Variants in NSUN3 observed in about 807,000 individuals in gnomAD.
NSUN3 encodes the protein tRNA (cytosine(34)-C(5))-methyltransferase, mitochondrial.
In NSUN3, 24 loss-of-function variants were observed where a neutral mutation model predicts 36.8. The ratio of observed to expected loss-of-function variants is 0.65; its 90% CI spans 0.47 to 0.92. NSUN3 has a LOEUF of 0.92. Ranked by LOEUF, NSUN3 falls within the 40% of genes least tolerant of loss-of-function variation. The pLI is 0.00. For synonymous variants in NSUN3, 146 were observed against 145.2 expected, an observed-to-expected ratio of 1.01 and a Z score of -0.04; for missense variants, 381 against 392.8, an observed-to-expected ratio of 0.97 and a Z score of 0.25.
intron 2 of NSUN3, among the ~76,000 whole-genome samples, chr3:94,074,438 A>T (rs1244903473): frequency 6.6e-6 from 1 of 152,362 alleles, no homozygotes; most frequent in African/African-American, 2.4e-5. Context: ...ATCCATGAGC[A>T]TGGAAGTATT....
chr3:94,102,202 T>TAAAAA (rs5850923), intron 5 of NSUN3, among the ~76,000 whole-genome samples: 13 of 101,544 alleles, frequency 1.3e-4, no homozygotes, highest in African/African-American at 4.2e-4. Flanking sequence ...AAAGAAACGT[T>TAAAAA]AAAAAAAAAA....
At chr3:94,113,058 G>T (rs974200534) in intron 5 of NSUN3, among the ~76,000 whole-genome samples, 1 of 152,066 alleles carries the variant, frequency 6.6e-6, no homozygotes, top group Admixed American at 6.5e-5. Flanking sequence ...TAGAGACAGG[G>T]TTTCACTGTG....
At chr3:94,095,624 T>G (rs1195429455) in intron 5 of NSUN3, among the ~76,000 whole-genome samples, 1 of 152,202 alleles carries the variant, frequency 6.6e-6, no homozygotes, top group Non-Finnish European at 1.5e-5. Context: ...CCACTGAACA[T>G]TTGGTTTCAT....
chr3:94,078,245 C>T (rs1270672658), intron 2 of NSUN3, among the ~76,000 whole-genome samples: 7 of 152,198 alleles, frequency 4.6e-5, no homozygotes, highest in South Asian at 2.1e-4. Flanking sequence ...TGTAGTTGTG[C>T]GGTTTTGAGT....
chr3:94,074,676 G>A (rs544508319), intron 2 of NSUN3, among the ~76,000 whole-genome samples: 186 of 152,322 alleles, frequency 1.2e-3, no homozygotes, highest in Non-Finnish European at 2.1e-3. Context: ...TTTTGCTGAA[G>A]TTGCTTATTA....
At chr3:94,076,928 G>A in intron 2 of NSUN3, 1 of 1,140,592 alleles carries the variant, frequency 8.8e-7, no homozygotes, top group South Asian at 1.2e-5. Flanking sequence ...TTGCACACTG[G>A]CTATAACAAG....
intron 1 of NSUN3, 74 bp downstream of exon 1, chr3:94,063,212 G>A: frequency 1.3e-6 from 2 of 1,481,818 alleles, no homozygotes; most frequent in Non-Finnish European, 1.9e-6. Context: ...TGGCGAGGGA[G>A]GGTGCTGGGA....
chr3:94,101,345 A>T (rs958111554), intron 5 of NSUN3, among the ~76,000 whole-genome samples: 2 of 152,082 alleles, frequency 1.3e-5, no homozygotes, highest in African/African-American at 4.8e-5. Context: ...ACTCCTTAAA[A>T]TTTTTTAAAA....
intron 3 of NSUN3, chr3:94,085,266 A>G (rs2077287195): frequency 6.6e-6 from 1 of 152,238 alleles, no homozygotes; most frequent in Admixed American, 6.5e-5. Context: ...CAATTTTTAC[A>G]ATATTTACAA....
chr3:94,072,478 A>G (rs2077227972), intron 2 of NSUN3, among the ~76,000 whole-genome samples: 1 of 152,194 alleles, frequency 6.6e-6, no homozygotes, highest in African/African-American at 2.4e-5. Flanking sequence ...AACATTTATT[A>G]ATAATGATAT....
At chr3:94,096,845 T>C (rs2077343358) in intron 5 of NSUN3, among the ~76,000 whole-genome samples, 1 of 152,184 alleles carries the variant, frequency 6.6e-6, no homozygotes, top group Non-Finnish European at 1.5e-5. Context: ...GCCATTGTTA[T>C]TCCTTACACC....
chr3:94,090,674 T>C (rs1276632752), intron 3 of NSUN3, among the ~76,000 whole-genome samples: 1 of 152,136 alleles, frequency 6.6e-6, no homozygotes, highest in African/African-American at 2.4e-5. Flanking sequence ...GGATATAATA[T>C]TAAACAAAAA....
intron 2 of NSUN3, among the ~76,000 whole-genome samples, chr3:94,064,918 A>G (rs2077197548): frequency 6.6e-6 from 1 of 152,270 alleles, no homozygotes; most frequent in African/African-American, 2.4e-5. Flanking sequence ...ACAAATCTTT[A>G]AAGCCAGCAC....
At chr3:94,092,119 G>A (rs1037244092) in intron 3 of NSUN3, among the ~76,000 whole-genome samples, 3 of 152,246 alleles carry the variant, frequency 2.0e-5, no homozygotes, top group African/African-American at 7.2e-5. Flanking sequence ...AAGGGGTCAG[G>A]TACACAACCC....
rs1057002260 is a variant in NSUN3 at position 94,130,761 on chromosome 3, A to C, written c.*4271A>C. Among the ~76,000 whole-genome samples, 14 of 152,166 alleles carry C rather than the reference A, an allele frequency of 9.2e-5. No individual in the cohort carries two copies. The highest frequency in any genetic ancestry group is 2.0e-4 in the Admixed American group (3 of 15,282). ...CACAGCTGAATGATTGAGAATTACC[A>C]GATAAATCCTCCAAATCCATTTCTC... On this transcript the variant is annotated 3_prime_UTR_variant, in exon 6 of 6. Transcript: ENST00000314622.
chr3:94,103,616 G>A (rs1310632828), intron 5 of NSUN3, among the ~76,000 whole-genome samples: 1 of 151,796 alleles, frequency 6.6e-6, no homozygotes, highest in Non-Finnish European at 1.5e-5. Flanking sequence ...TAGAGTAATA[G>A]GAATCATAAT....
chr3:94,124,827 G>A (rs1410655212), intron 5 of NSUN3, among the ~76,000 whole-genome samples: 1 of 152,012 alleles, frequency 6.6e-6, no homozygotes, highest in Non-Finnish European at 1.5e-5. Context: ...TTTTTTTGTT[G>A]TTGTTCTGTC....
intron 2 of NSUN3, among the ~76,000 whole-genome samples, chr3:94,072,452 T>G (rs982188766): frequency 2.6e-5 from 4 of 152,184 alleles, no homozygotes; most frequent in African/African-American, 9.7e-5. Flanking sequence ...ATGAACATTG[T>G]ACACATCCAG....
chr3:94,076,361 G>GT (rs1410269357), intron 2 of NSUN3: 7 of 816,948 alleles, frequency 8.6e-6, no homozygotes, highest in Non-Finnish European at 1.5e-5. Context: ...CACTTCAGCA[G>GT]TGTGAGCGTC....
Sources: allele counts gnomAD v4.1 joint callset (sites outside exome capture counted in the v4.1 genomes callset), GRCh38; gene constraint gnomAD v4.1.1; transcripts MANE v1.5; gene names NCBI Gene and HGNC (gene_info 2026-07-23, HGNC 2026-07-21).